The following LINGO2 variants were observed in gnomAD, a reference collection of about 807,000 sequenced individuals.
LINGO2 encodes the protein leucine-rich repeat and immunoglobulin-like domain-containing nogo receptor-interacting protein 2.
LINGO2 carries 14 observed loss-of-function variants against 30.6 expected under a neutral mutation model. The ratio of observed to expected loss-of-function variants is 0.46; its 90% CI spans 0.30 to 0.72. The LOEUF is 0.72. LINGO2 is among the 30% of genes least tolerant of loss of function. The pLI is 0.07. For synonymous variants in LINGO2, 317 were observed against 288.5 expected (o/e 1.10, Z -1.00); for missense variants, 729 against 751.7 (o/e 0.97, Z 0.35).
intron 4 of LINGO2, among the ~76,000 whole-genome samples, chr9:28,248,516 CA>C (rs1173233658): frequency 4.6e-5 from 7 of 152,006 alleles, no homozygotes; most frequent in Admixed American, 4.6e-4. Flanking sequence ...GGGCACAAAA[CA>C]AAATTAGAAA....
the LINGO2 span, among the ~76,000 whole-genome samples, chr9:29,097,547 C>T: frequency 7.2e-6 from 1 of 138,058 alleles, no homozygotes; most frequent in Admixed American, 7.4e-5. Flanking sequence ...TAGGTATTAA[C>T]AAAATGCTAT....
At chr9:28,942,115 T>C in the LINGO2 span, among the ~76,000 whole-genome samples, 9 of 152,092 alleles carry the variant, frequency 5.9e-5, no homozygotes, top group Non-Finnish European at 1.2e-4. Flanking sequence ...ACCATGTCTT[T>C]GTATTGTAAA....
chr9:28,395,265 G>A (rs1271993941), intron 2 of LINGO2, among the ~76,000 whole-genome samples: 2 of 151,758 alleles, frequency 1.3e-5, no homozygotes, highest in African/African-American at 2.4e-5. Context: ...TATAAGAAAC[G>A]AAGGAGATAA....
At chr9:28,216,522 T>G (rs570022136) in intron 4 of LINGO2, among the ~76,000 whole-genome samples, 1 of 152,100 alleles carries the variant, frequency 6.6e-6, no homozygotes, top group East Asian at 1.9e-4. Flanking sequence ...ATGTCTTCAA[T>G]ATGATTTTCG....
chr9:28,054,045 T>C (rs1015346059), intron 4 of LINGO2, among the ~76,000 whole-genome samples: 1 of 150,036 alleles, frequency 6.7e-6, no homozygotes, highest in Non-Finnish European at 1.5e-5. Flanking sequence ...AGTACGTGGG[T>C]TGCAGCCCAG....
the LINGO2 span, among the ~76,000 whole-genome samples, chr9:29,199,196 C>T: frequency 1.3e-5 from 2 of 152,042 alleles, no homozygotes; most frequent in African/African-American, 2.4e-5. Context: ...TCTGGAGACT[C>T]CCATCCCAGT....
chr9:28,313,388 G>C (rs988127861), intron 3 of LINGO2, among the ~76,000 whole-genome samples: 8 of 152,278 alleles, frequency 5.3e-5, no homozygotes, highest in African/African-American at 1.9e-4. Context: ...CTTGGTGTTA[G>C]AATAATTCAG....
chr9:28,589,392 G>C (rs970742111), intron 1 of LINGO2, among the ~76,000 whole-genome samples: 4 of 152,044 alleles, frequency 2.6e-5, no homozygotes, highest in South Asian at 2.1e-4. Context: ...GATTGTATAT[G>C]TAGAAAACCC....
At chr9:29,210,103 T>C in the LINGO2 span, among the ~76,000 whole-genome samples, 1 of 152,196 alleles carries the variant, frequency 6.6e-6, no homozygotes, top group East Asian at 1.9e-4. Context: ...TCCTATCACT[T>C]CTTATTCTTG....
intron 1 of LINGO2, among the ~76,000 whole-genome samples, chr9:28,494,113 A>T (rs1281867059): frequency 6.6e-6 from 1 of 152,190 alleles, no homozygotes; most frequent in Non-Finnish European, 1.5e-5. Flanking sequence ...GATTGAGAAT[A>T]AATATTAACA....
intron 1 of LINGO2, among the ~76,000 whole-genome samples, chr9:28,562,997 C>T (rs1475726245): frequency 1.3e-5 from 2 of 152,026 alleles, no homozygotes; most frequent in Non-Finnish European, 2.9e-5. Flanking sequence ...CAGGCGCATG[C>T]GACCACGCCC....
At chr9:28,215,677 G>A (rs879765756) in intron 4 of LINGO2, among the ~76,000 whole-genome samples, 2 of 151,620 alleles carry the variant, frequency 1.3e-5, no homozygotes, top group African/African-American at 2.4e-5. Context: ...GAACTGAATC[G>A]ATGGAAGTGT....
intron 2 of LINGO2, among the ~76,000 whole-genome samples, chr9:28,459,528 A>T (rs2135113549): frequency 6.6e-6 from 1 of 152,162 alleles, no homozygotes; most frequent in South Asian, 2.1e-4. Context: ...TCCTCATTTA[A>T]TATTTAAATG....
At chr9:29,159,890 G>T in the LINGO2 span, among the ~76,000 whole-genome samples, 1 of 150,878 alleles carries the variant, frequency 6.6e-6, no homozygotes, top group Non-Finnish European at 1.5e-5. Flanking sequence ...CAATAGTTCA[G>T]AAATTTCACA....
chr9:28,447,061 T>C (rs1824449546), intron 2 of LINGO2, among the ~76,000 whole-genome samples: 1 of 152,188 alleles, frequency 6.6e-6, no homozygotes, highest in Non-Finnish European at 1.5e-5. Flanking sequence ...GTCTAACTCT[T>C]ATGAGGATTT....
intron 3 of LINGO2, among the ~76,000 whole-genome samples, chr9:28,322,467 ACACAC>A (rs1825080898): frequency 1.5e-5 from 1 of 64,612 alleles, no homozygotes; most frequent in Admixed American, 1.6e-4. Context: ...ACACACACAC[ACACAC>A]ACACACACGT....
intron 4 of LINGO2, among the ~76,000 whole-genome samples, chr9:28,090,146 T>C (rs929228420): frequency 6.6e-6 from 1 of 152,166 alleles, no homozygotes; most frequent in African/African-American, 2.4e-5. Flanking sequence ...AAGAACAAGC[T>C]GGTACCATTC....
intron 2 of LINGO2, among the ~76,000 whole-genome samples, chr9:28,404,429 A>T (rs890462322): frequency 6.6e-6 from 1 of 152,192 alleles, no homozygotes; most frequent in Non-Finnish European, 1.5e-5. Flanking sequence ...CAAGCATTTG[A>T]AAACTGAAAG....
chr9:28,334,256 A>T (rs749428791), intron 3 of LINGO2, among the ~76,000 whole-genome samples: 4 of 152,180 alleles, frequency 2.6e-5, no homozygotes, highest in Non-Finnish European at 5.9e-5. Context: ...GAAAAAAGGT[A>T]CTATGAGTGA....
Sources: allele counts gnomAD v4.1 joint callset (sites outside exome capture counted in the v4.1 genomes callset), GRCh38; gene constraint gnomAD v4.1.1; transcripts MANE v1.5; gene names NCBI Gene and HGNC (gene_info 2026-07-23, HGNC 2026-07-21).